Variants in L3MBTL4 observed in about 807,000 individuals in gnomAD.
L3MBTL4 encodes the protein lethal(3)malignant brain tumor-like protein 4.
A neutral mutation model predicts 84.5 loss-of-function variants in L3MBTL4; 70 were observed. The ratio of observed to expected loss-of-function variants is 0.83; its 90% confidence interval spans 0.68 to 1.01. L3MBTL4 has a LOEUF of 1.01. Among genes scored for constraint, L3MBTL4 ranks in the 50% least tolerant of loss-of-function variants. L3MBTL4 has a pLI of 0.00. For synonymous variants in L3MBTL4, 274 were observed against 259.8 expected, an observed-to-expected ratio of 1.05 and a Z score of -0.52; for missense variants, 715 against 754.8, an observed-to-expected ratio of 0.95 and a Z score of 0.62.
At chr18:5,957,142 T>C (rs2095231788) in intron 18 of L3MBTL4, among the ~76,000 whole-genome samples, 1 of 152,218 alleles carries the variant, frequency 6.6e-6, no homozygotes, top group South Asian at 2.1e-4. Context: ...AAAGAATACA[T>C]ACCATTATAA....
chr18:6,333,337 G>A (rs1199959454), intron 1 of L3MBTL4, among the ~76,000 whole-genome samples: 1 of 152,156 alleles, frequency 6.6e-6, no homozygotes, highest in East Asian at 1.9e-4. Flanking sequence ...CACTTTGGGA[G>A]GCTGAGGCGG....
At chr18:6,257,624 T>C (rs2048199190) in intron 5 of L3MBTL4, among the ~76,000 whole-genome samples, 1 of 147,898 alleles carries the variant, frequency 6.8e-6, no homozygotes, top group Admixed American at 6.6e-5. Flanking sequence ...TCTTTTCTTT[T>C]TTCTTTTTCT....
chr18:6,255,485 G>T (rs567534956), intron 5 of L3MBTL4, among the ~76,000 whole-genome samples: 35 of 152,310 alleles, frequency 2.3e-4, no homozygotes, highest in African/African-American at 7.9e-4. Context: ...TTCTGCCCCA[G>T]AACTTAGACC....
intron 17 of L3MBTL4, among the ~76,000 whole-genome samples, chr18:5,963,049 A>G (rs2052143675): frequency 1.3e-5 from 2 of 152,190 alleles, no homozygotes; most frequent in African/African-American, 4.8e-5. Context: ...TCATAGTGTC[A>G]TAGGAGGAAA....
intron 1 of L3MBTL4, among the ~76,000 whole-genome samples, chr18:6,324,791 G>A (rs1373071818): frequency 6.6e-6 from 1 of 152,132 alleles, no homozygotes; most frequent in Non-Finnish European, 1.5e-5. Context: ...CTACTAATGT[G>A]TTATTTTAAG....
intron 16 of L3MBTL4, among the ~76,000 whole-genome samples, chr18:6,012,310 T>C (rs1463142836): frequency 6.6e-6 from 1 of 152,118 alleles, no homozygotes; most frequent in Non-Finnish European, 1.5e-5. Context: ...TGCCAACTGA[T>C]GAAATAAATA....
chr18:6,298,573 T>G (rs971279856), intron 4 of L3MBTL4, among the ~76,000 whole-genome samples: 2 of 152,148 alleles, frequency 1.3e-5, no homozygotes, highest in African/African-American at 4.8e-5. Context: ...TTTATGTTTA[T>G]AAAATCCTCA....
At chr18:6,134,795 G>C (rs1051187292) in intron 14 of L3MBTL4, among the ~76,000 whole-genome samples, 12 of 152,174 alleles carry the variant, frequency 7.9e-5, no homozygotes. Context: ...TTGAGTGCCT[G>C]CAGCCTTTCC....
chr18:6,055,469 G>C (rs189550365), intron 16 of L3MBTL4, among the ~76,000 whole-genome samples: 4 of 152,198 alleles, frequency 2.6e-5, no homozygotes, highest in Admixed American at 2.0e-4. Context: ...AGTTTTCTTC[G>C]ATAGTATGTT....
intron 13 of L3MBTL4, among the ~76,000 whole-genome samples, chr18:6,142,798 G>A (rs111857110): frequency 2.0e-5 from 3 of 152,030 alleles, no homozygotes; most frequent in East Asian, 1.9e-4. Context: ...GGCATGTACC[G>A]ATAGTCCTAG....
intron 16 of L3MBTL4, among the ~76,000 whole-genome samples, chr18:6,048,456 G>A (rs1002794069): frequency 1.3e-5 from 2 of 152,248 alleles, no homozygotes; most frequent in East Asian, 3.9e-4. Context: ...CAAAACTGGA[G>A]GCATCACATT....
chr18:6,047,956 A>C (rs2056691286), intron 16 of L3MBTL4, among the ~76,000 whole-genome samples: 1 of 152,228 alleles, frequency 6.6e-6, no homozygotes. Context: ...GAAAAGAATA[A>C]GTCAAATTAT....
intron 1 of L3MBTL4, among the ~76,000 whole-genome samples, chr18:6,349,247 A>G (rs1177357063): frequency 6.6e-6 from 1 of 152,242 alleles, no homozygotes; most frequent in East Asian, 1.9e-4. Flanking sequence ...TAATGTCCAC[A>G]GCAGCATCAT....
Position 5,994,364 on chromosome 18 carries a change from CCTT to C in L3MBTL4, c.1445-24805_1445-24803del, listed in dbSNP as rs1481607476. Among the ~76,000 whole-genome samples the C allele has an allele frequency of 2.6e-5, 4 of 152,294 alleles. No individual in the cohort carries two copies. In the East Asian group the frequency reaches 7.7e-4, roughly 29 times the overall value. On this transcript the variant is annotated intron_variant, in intron 16 of 18. Transcript: ENST00000317931. ...GCACAAAGCAGGTGCTCAAAAAAGA[CCTT>C]CTTTGATATCTCTCAGACACCTTAG...
At chr18:6,302,923 G>A (rs1386476050) in intron 3 of L3MBTL4, among the ~76,000 whole-genome samples, 3 of 152,080 alleles carry the variant, frequency 2.0e-5, no homozygotes, top group Non-Finnish European at 2.9e-5. Flanking sequence ...TCTGGGAGGC[G>A]GAGGTTGCAG....
chr18:6,071,789 GAA>G (rs1172147715), intron 16 of L3MBTL4, among the ~76,000 whole-genome samples: 3 of 128,978 alleles, frequency 2.3e-5, no homozygotes, highest in African/African-American at 9.2e-5. Context: ...AAGAAAGAAA[GAA>G]AGAAAGAAAG....
chr18:5,962,018 T>TGA (rs1263520095), intron 17 of L3MBTL4, among the ~76,000 whole-genome samples: 1 of 152,134 alleles, frequency 6.6e-6, no homozygotes, highest in Non-Finnish European at 1.5e-5. Context: ...TGTCTATGTG[T>TGA]GAGGCCTCAT....
intron 16 of L3MBTL4, among the ~76,000 whole-genome samples, chr18:6,004,839 T>G (rs2145311396): frequency 6.6e-6 from 1 of 152,130 alleles, no homozygotes; most frequent in Admixed American, 6.6e-5. Context: ...TACCAGGGCC[T>G]GCAGGGAGCG....
At chr18:6,067,854 A>G (rs1025212677) in intron 16 of L3MBTL4, among the ~76,000 whole-genome samples, 1 of 152,224 alleles carries the variant, frequency 6.6e-6, no homozygotes, top group Non-Finnish European at 1.5e-5. Context: ...CGGATGCTGT[A>G]GAACCCCATT....
Sources: allele counts gnomAD v4.1 joint callset (sites outside exome capture counted in the v4.1 genomes callset), GRCh38; gene constraint gnomAD v4.1.1; transcripts MANE v1.5; gene names NCBI Gene and HGNC (gene_info 2026-07-23, HGNC 2026-07-21).